GK5: variants seen among roughly 807,000 people sequenced by gnomAD.
The protein encoded by GK5 is ATP:glycerol 3-phosphotransferase 5.
Under a neutral mutation model 77.3 loss-of-function variants are expected in GK5, and 39 were observed. The observed-to-expected ratio is 0.50, with a 90% CI of 0.39 to 0.66. The LOEUF is 0.66. Among genes scored for constraint, GK5 ranks in the 30% least tolerant of loss-of-function variants. GK5 has a pLI of 0.00. For synonymous variants in GK5, 211 were observed against 208.0 expected (o/e 1.01, Z -0.13); for missense variants, 487 against 633.8 (o/e 0.77, Z 2.49).
At chr3:142,175,301 C>T (rs2063593450) in intron 12 of GK5, among the ~76,000 whole-genome samples, 1 of 152,150 alleles carries the variant, frequency 6.6e-6, no homozygotes, top group Non-Finnish European at 1.5e-5. Flanking sequence ...GTATGGCTCC[C>T]ACCCTTTCTG....
intron 3 of GK5, among the ~76,000 whole-genome samples, chr3:142,207,748 T>C (rs1430211801): frequency 1.3e-5 from 2 of 152,154 alleles, no homozygotes; most frequent in Non-Finnish European, 2.9e-5. Flanking sequence ...GCTTTCACTA[T>C]CTTGTTTGTG....
At chr3:142,198,521 G>A (rs1350743483) in intron 5 of GK5, among the ~76,000 whole-genome samples, 1 of 152,166 alleles carries the variant, frequency 6.6e-6, no homozygotes, top group Non-Finnish European at 1.5e-5. Flanking sequence ...GGCTGTGGCA[G>A]GAGAATCACT....
rs185945265 is a variant in GK5 at position 142,202,881 on chromosome 3, C to T, written c.411+1814G>A. ...CTGAGGAAGGAGAATTGCTTGAACT[C>T]GGGAGGTGGAGGTTGTGACAAAGGG... is the stretch of plus-strand genomic sequence containing the variant. On this transcript the variant is annotated intron_variant, in intron 4 of 15. Coordinates refer to ENST00000392993, the MANE Select transcript of GK5 (RefSeq NM_001039547.3). 8.8e-3 allele frequency among the ~76,000 whole-genome samples: 1,345 copies of T among 152,184 alleles called. 10 individuals are homozygous for T. Among genetic ancestry groups the T allele is most frequent in the Non-Finnish European group, 0.014 (968 of 68,016 alleles).
chr3:142,203,237 G>A (rs1284983012), intron 4 of GK5, among the ~76,000 whole-genome samples: 1 of 151,994 alleles, frequency 6.6e-6, no homozygotes, highest in Non-Finnish European at 1.5e-5. Context: ...ATTGCAGCAA[G>A]GTACATTTTT....
At chr3:142,187,882 T>G in intron 5 of GK5, 103 bp from the exon 6 acceptor site, 1 of 759,878 alleles carries the variant, frequency 1.3e-6, no homozygotes, top group Non-Finnish European at 2.2e-6. Flanking sequence ...TTTATAAAAA[T>G]TAATATGTAC....
intron 3 of GK5, among the ~76,000 whole-genome samples, chr3:142,211,118 G>A (rs958827491): frequency 3.9e-5 from 6 of 152,166 alleles, no homozygotes; most frequent in African/African-American, 1.4e-4. Flanking sequence ...TACACCAATG[G>A]TTCCAAATTG....
At chr3:142,214,878 G>C (rs1189639606) in intron 2 of GK5, among the ~76,000 whole-genome samples, 2 of 152,138 alleles carry the variant, frequency 1.3e-5, no homozygotes, top group Non-Finnish European at 2.9e-5. Flanking sequence ...GAAAAAAACA[G>C]TTTGCAGAAA....
intron 4 of GK5, among the ~76,000 whole-genome samples, chr3:142,203,944 A>T (rs963945900): frequency 6.6e-6 from 1 of 152,192 alleles, no homozygotes; most frequent in African/African-American, 2.4e-5. Context: ...AGAACAGCTG[A>T]CTTCATGATG....
At chr3:142,220,706 T>C (rs941666838) in intron 1 of GK5, among the ~76,000 whole-genome samples, 3 of 152,212 alleles carry the variant, frequency 2.0e-5, no homozygotes, top group African/African-American at 7.2e-5. Flanking sequence ...GAAGTGCCTA[T>C]GGTTTCTTAG....
chr3:142,204,818 C>A, intron 3 of GK5, 30 bp from the exon 4 acceptor site: 1 of 1,235,506 alleles, frequency 8.1e-7, no homozygotes, highest in South Asian at 1.3e-5. Context: ...ATTTTGAGAC[C>A]CAGCATAAAT....
chr3:142,180,402 A>G (rs1259156368), intron 11 of GK5, among the ~76,000 whole-genome samples: 1 of 151,506 alleles, frequency 6.6e-6, no homozygotes, highest in Non-Finnish European at 1.5e-5. Context: ...TCCTGGGTTC[A>G]AGTGATTCTC....
Position 142,213,540 on chromosome 3 carries a change from A to G in GK5, c.303T>C (p.Phe101=). ...GLGISTQRAT[F]ITWNKKTGNH... ...AATGTACTTACTTGTTCCACGTAAT[A>G]AAAGTTGCTCTCTGTGTTGAAATGC... Residue 101 remains phenylalanine (F), a synonymous_variant, in exon 3 of 16, where the codon TTT becomes TTC. Coordinates refer to ENST00000392993, the MANE Select transcript of GK5 (RefSeq NM_001039547.3). 3 of 1,606,834 alleles carry G rather than the reference A, an allele frequency of 1.9e-6. No homozygotes were observed. The highest frequency in any genetic ancestry group is 1.7e-6 in the Non-Finnish European group (2 of 1,173,260).
At chr3:142,178,658 T>G (rs551121362) in intron 11 of GK5, among the ~76,000 whole-genome samples, 2 of 152,288 alleles carry the variant, frequency 1.3e-5, no homozygotes, top group African/African-American at 4.8e-5. Flanking sequence ...TTTATCAATT[T>G]ATTCTATTAG....
chr3:142,217,732 A>C (rs2064291687), intron 1 of GK5, among the ~76,000 whole-genome samples: 1 of 152,206 alleles, frequency 6.6e-6, no homozygotes, highest in Non-Finnish European at 1.5e-5. Flanking sequence ...AAATGCTGAA[A>C]ACTAAAAGCA....
At position 142,164,578 on chromosome 3, in the gene GK5, C is replaced by G. The variant is rs1424979245; in HGVS notation, c.*1044G>C. 2.0e-5 allele frequency: 3 copies of G among 152,210 alleles called. No individual in the cohort carries two copies. The highest frequency in any genetic ancestry group is 2.0e-4 in the Admixed American group (3 of 15,274). The allele number at this position is 152,210 out of a possible 1,614,324, so 9.4% of individuals were successfully genotyped here. ...AAGGGCAATCCTGAGCATAGACACACTCTCCTCCCTTCTATCAGCTGTCCC... is the reference window on the plus strand; with the variant it reads ...AAGGGCAATCCTGAGCATAGACACAGTCTCCTCCCTTCTATCAGCTGTCCC... On this transcript the variant is annotated 3_prime_UTR_variant, in exon 16 of 16. Coordinates refer to ENST00000392993, the MANE Select transcript of GK5 (RefSeq NM_001039547.3).
rs376101065 is a variant in GK5 at position 142,216,834 on chromosome 3, G to T, written c.148-1142C>A. Among the ~76,000 whole-genome samples, 13 of 152,282 alleles carry T rather than the reference G, an allele frequency of 8.5e-5. No individual in the cohort carries two copies. In the East Asian group the frequency reaches 1.9e-3, roughly 23 times the overall value. On this transcript the variant is annotated intron_variant, in intron 1 of 15. Coordinates refer to ENST00000392993, the MANE Select transcript of GK5 (RefSeq NM_001039547.3). Reference sequence around the variant, plus strand: ...CAGGTCCCAGACTGACTACTAGGTTGCACACACACAGGGCAGATCCAAATA... The same window carrying T: ...CAGGTCCCAGACTGACTACTAGGTTTCACACACACAGGGCAGATCCAAATA...
chr3:142,205,606 C>T (rs766841921), intron 3 of GK5, among the ~76,000 whole-genome samples: 7 of 152,208 alleles, frequency 4.6e-5, no homozygotes, highest in East Asian at 1.9e-4. Context: ...TTCCAACTCA[C>T]TGCAACCTTT....
intron 3 of GK5, among the ~76,000 whole-genome samples, chr3:142,208,915 C>T (rs1000792825): frequency 1.8e-4 from 27 of 152,052 alleles, no homozygotes; most frequent in Admixed American, 1.8e-3. Context: ...TTTAGGAGGC[C>T]GAGGAAGGCG....
intron 1 of GK5, among the ~76,000 whole-genome samples, chr3:142,219,442 A>C (rs1315554362): frequency 6.6e-6 from 1 of 152,236 alleles, no homozygotes; most frequent in African/African-American, 2.4e-5. Context: ...CAAATCTCAA[A>C]GGCATTATGC....
Sources: allele counts gnomAD v4.1 joint callset (sites outside exome capture counted in the v4.1 genomes callset), GRCh38; gene constraint gnomAD v4.1.1; transcripts MANE v1.5; gene names NCBI Gene and HGNC (gene_info 2026-07-23, HGNC 2026-07-21).